SAMD12: variants seen among roughly 807,000 people sequenced by gnomAD.
SAMD12 encodes the protein sterile alpha motif domain-containing protein 12.
SAMD12 carries 9 observed loss-of-function variants against 15.0 expected under a neutral mutation model. That is an observed-to-expected ratio of 0.60 (90% CI 0.36 to 1.05). The LOEUF is 1.05. Ranked by LOEUF, SAMD12 falls within the 50% of genes least tolerant of loss-of-function variation. The probability of loss-of-function intolerance (pLI) is 0.01; values close to 1 mark genes in which losing one functional copy is unlikely to be tolerated. For synonymous variants in SAMD12, 86 were observed against 90.1 expected (o/e 0.96, Z 0.25); for missense variants, 230 against 234.2 (o/e 0.98, Z 0.12).
At chr8:118,365,531 A>T (rs1057458208) in intron 4 of SAMD12, among the ~76,000 whole-genome samples, 7 of 151,940 alleles carry the variant, frequency 4.6e-5, no homozygotes, top group African/African-American at 9.7e-5. Flanking sequence ...GTAGCTACTG[A>T]TTCTTGGGCT....
intron 1 of SAMD12, among the ~76,000 whole-genome samples, chr8:118,588,822 C>G (rs1827511776): frequency 6.6e-6 from 1 of 152,148 alleles, no homozygotes. Flanking sequence ...CTGTACTTCC[C>G]CACTCCCAGC....
chr8:118,502,745 T>A (rs552213450), intron 2 of SAMD12, among the ~76,000 whole-genome samples: 1 of 152,366 alleles, frequency 6.6e-6, no homozygotes, highest in African/African-American at 2.4e-5. Flanking sequence ...AAGTAGATTT[T>A]GCAGGCTTTT....
chr8:118,230,325 A>T (rs141001057), intron 4 of SAMD12, among the ~76,000 whole-genome samples: 39 of 152,184 alleles, frequency 2.6e-4, no homozygotes, highest in African/African-American at 9.2e-4. Context: ...TTGAAGCGGG[A>T]TTCTATCCCA....
intron 3 of SAMD12, among the ~76,000 whole-genome samples, chr8:118,437,664 A>G (rs1461794548): frequency 1.3e-5 from 2 of 152,142 alleles, no homozygotes; most frequent in Non-Finnish European, 2.9e-5. Context: ...GAAAGTAGTG[A>G]TTTCCCAATA....
the SAMD12 span, among the ~76,000 whole-genome samples, chr8:118,177,744 CA>C: frequency 1.7e-4 from 6 of 36,226 alleles, no homozygotes; most frequent in African/African-American, 3.2e-4. Context: ...AATAAAAAAA[CA>C]ACATAAAGGA....
At chr8:118,617,745 T>A (rs564459098) in intron 1 of SAMD12, among the ~76,000 whole-genome samples, 1 of 152,276 alleles carries the variant, frequency 6.6e-6, no homozygotes, top group South Asian at 2.1e-4. Flanking sequence ...TGCATTTATA[T>A]GTCATTCATG....
intron 4 of SAMD12, among the ~76,000 whole-genome samples, chr8:118,227,502 C>T (rs935140482): frequency 3.3e-5 from 5 of 151,904 alleles, no homozygotes; most frequent in Admixed American, 2.0e-4. Flanking sequence ...TGCACATGTA[C>T]CCAGAAGCCT....
At chr8:118,615,598 A>T (rs1828220148) in intron 1 of SAMD12, among the ~76,000 whole-genome samples, 1 of 152,024 alleles carries the variant, frequency 6.6e-6, no homozygotes, top group Non-Finnish European at 1.5e-5. Flanking sequence ...AACAGCTGAC[A>T]CTCACTCGCC....
intron 4 of SAMD12, among the ~76,000 whole-genome samples, chr8:118,316,550 A>T (rs113746833): frequency 0.092 from 13,975 of 151,914 alleles, 826 homozygotes; most frequent in Non-Finnish European, 0.12. Flanking sequence ...ACAAACAAAA[A>T]TTTGGAGCTT....
intron 4 of SAMD12, among the ~76,000 whole-genome samples, chr8:118,349,984 CA>C (rs1176408936): frequency 6.6e-6 from 1 of 151,878 alleles, no homozygotes; most frequent in Admixed American, 6.6e-5. Context: ...AAAAGCTAGC[CA>C]GCCGTGGTGG....
chr8:118,201,561 T>C (rs1160316257), intron 4 of SAMD12, among the ~76,000 whole-genome samples: 4 of 152,226 alleles, frequency 2.6e-5, no homozygotes, highest in Non-Finnish European at 5.9e-5. Context: ...CCTAATGCAA[T>C]GTGCAGTGTC....
In SAMD12 at chr8:118,439,959, T is replaced by C. The variant is rs773850713; in HGVS notation, c.195A>G (p.Ser65=). Residue 65 remains serine (S), a splice_region_variant and synonymous_variant, in exon 3 of 4, where the codon TCA becomes TCG. Transcript: ENST00000314727. ...RLQAEAETAK[S]ATVKLSKPVA... is the part of the protein sequence containing the mutation. Reference sequence around the variant, plus strand: ...CCGGTTTAGATAGCTTCACCGTAGCTGACTATAAATAAAGAAGGAAGATCT... The same window carrying C: ...CCGGTTTAGATAGCTTCACCGTAGCCGACTATAAATAAAGAAGGAAGATCT... The C allele has an allele frequency of 3.5e-5, 56 of 1,613,432 alleles. 1 individual carries two copies. In the South Asian group the frequency reaches 6.0e-4, roughly 17 times the overall value.
intron 2 of SAMD12, among the ~76,000 whole-genome samples, chr8:118,525,181 A>G (rs1825499754): frequency 6.6e-6 from 1 of 152,062 alleles, no homozygotes; most frequent in South Asian, 2.1e-4. Flanking sequence ...CTCTGCCTCA[A>G]GGTCTTTGTG....
chr8:118,451,690 T>C (rs969693346), intron 2 of SAMD12, among the ~76,000 whole-genome samples: 2 of 152,126 alleles, frequency 1.3e-5, no homozygotes, highest in Admixed American at 6.5e-5. Context: ...ATTGCTGCAA[T>C]TGTATTTAGT....
At chr8:118,367,101 T>C (rs973960797) in intron 4 of SAMD12, among the ~76,000 whole-genome samples, 4 of 151,946 alleles carry the variant, frequency 2.6e-5, no homozygotes, top group Non-Finnish European at 5.9e-5. Context: ...GAAATTCTGA[T>C]ACAATGGGAG....
intron 2 of SAMD12, among the ~76,000 whole-genome samples, chr8:118,449,606 CTG>C (rs1247386308): frequency 6.6e-6 from 1 of 151,024 alleles, no homozygotes; most frequent in Admixed American, 6.6e-5. Flanking sequence ...GTTCAGGAGA[CTG>C]AGACCACAAT....
At chr8:118,385,756 T>C (rs574832576) in intron 3 of SAMD12, among the ~76,000 whole-genome samples, 1 of 152,350 alleles carries the variant, frequency 6.6e-6, no homozygotes, top group East Asian at 1.9e-4. Flanking sequence ...TCCTTAGTGC[T>C]ACTAAATTAA....
At chr8:118,465,847 A>C (rs1033479289) in intron 2 of SAMD12, among the ~76,000 whole-genome samples, 11 of 152,170 alleles carry the variant, frequency 7.2e-5, no homozygotes, top group African/African-American at 2.7e-4. Context: ...AAAGTGAGGC[A>C]GTCCTGGGGA....
At chr8:118,608,112 T>C (rs905445612) in intron 1 of SAMD12, among the ~76,000 whole-genome samples, 1 of 152,192 alleles carries the variant, frequency 6.6e-6, no homozygotes, top group Non-Finnish European at 1.5e-5. Context: ...TCAGTACATT[T>C]TCCTCTTTTC....
Sources: gnomAD v4.1 joint callset for allele counts (sites outside exome capture counted in the v4.1 genomes callset) on GRCh38, gnomAD v4.1.1 for gene constraint, MANE v1.5 for transcripts, NCBI Gene and HGNC (gene_info 2026-07-23, HGNC 2026-07-21) for gene names.